Variants in SPNS2 observed in about 807,000 individuals in gnomAD.
SPNS2 encodes sphingosine-1-phosphate transporter SPNS2.
SPNS2 carries 37 observed loss-of-function variants against 57.6 expected under a neutral mutation model. The ratio of observed to expected loss-of-function variants is 0.64; its 90% CI spans 0.49 to 0.85. The LOEUF is 0.85. SPNS2 is among the 40% of genes least tolerant of loss of function. The pLI is 0.00. For missense variants in SPNS2, 831 were observed against 779.1 expected, an observed-to-expected ratio of 1.07 and a Z score of -0.79; for synonymous variants, 440 against 346.9, an observed-to-expected ratio of 1.27 and a Z score of -2.98.
intron 1 of SPNS2, among the ~76,000 whole-genome samples, chr17:4,504,189 C>G (rs995737156): frequency 1.3e-4 from 20 of 152,196 alleles, no homozygotes; most frequent in African/African-American, 4.1e-4. Context: ...TGGCCTTGTC[C>G]TGGCCACTGC....
chr17:4,501,593 C>A (rs1011605716), intron 1 of SPNS2, among the ~76,000 whole-genome samples: 1 of 152,192 alleles, frequency 6.6e-6, no homozygotes. Context: ...ACACAACAGA[C>A]ACAGGTTTCC....
intron 5 of SPNS2, among the ~76,000 whole-genome samples, chr17:4,531,485 G>A (rs564197141): frequency 2.0e-5 from 3 of 152,292 alleles, no homozygotes; most frequent in Admixed American, 2.0e-4. Context: ...GGGTAAGGCT[G>A]GGACAAGACC....
chr17:4,533,764 G>A (rs1421070365), intron 8 of SPNS2, 24 bp from the exon 9 acceptor site: 3 of 1,613,314 alleles, frequency 1.9e-6, no homozygotes, highest in Non-Finnish European at 2.5e-6. Flanking sequence ...ACCGCTGATG[G>A]TGGCTTTGCC....
chr17:4,521,823 C>T (rs764538698), intron 2 of SPNS2, among the ~76,000 whole-genome samples: 12 of 152,216 alleles, frequency 7.9e-5, no homozygotes, highest in Admixed American at 3.3e-4. Context: ...GGCGTGTCCC[C>T]GCACATCCCT....
At position 4,537,514 on chromosome 17, in the gene SPNS2, C is replaced by G; in HGVS notation, c.*66C>G. 2.2e-6 allele frequency: 1 copy of G among 456,880 alleles called. No homozygotes were observed. Among genetic ancestry groups the G allele is most frequent in the Non-Finnish European group, 4.4e-6 (1 of 227,036 alleles). The allele number at this position is 456,880 out of a possible 1,614,324, so 28.3% of individuals were successfully genotyped here. A position where few individuals can be genotyped will look rare whatever the true frequency, so the allele number is the denominator to read the frequency against. The stretch of plus-strand genomic sequence containing the variant: ...TCGTCTGGGAGGTGTCCTACAGCGT[C>G]CGGGACCGGCTGGGCTGCCCCAAAG... On this transcript the variant is annotated 3_prime_UTR_variant, in exon 13 of 13. Transcript: ENST00000329078.
chr17:4,522,762 G>T (rs1905170706), intron 2 of SPNS2, among the ~76,000 whole-genome samples: 1 of 152,204 alleles, frequency 6.6e-6, no homozygotes, highest in South Asian at 2.1e-4. Flanking sequence ...GGGGAGGGAT[G>T]GGGGGCCACC....
intron 1 of SPNS2, 70 bp from the exon 2 acceptor site, chr17:4,513,177 A>G: frequency 2.6e-6 from 4 of 1,545,932 alleles, no homozygotes; most frequent in Non-Finnish European, 3.6e-6. Flanking sequence ...GGCGGGAAAG[A>G]GGCTGGGCTG....
chr17:4,532,431 A>G, intron 5 of SPNS2, 111 bp from the exon 6 acceptor site: 1 of 1,503,618 alleles, frequency 6.7e-7, no homozygotes, highest in Non-Finnish European at 9.1e-7. Flanking sequence ...ATACCTGCTC[A>G]GAGGAGAAGC....
In SPNS2 at chr17:4,536,329, G is replaced by A. The variant is rs1342707656; in HGVS notation, c.1510G>A (p.Ala504Thr). Reference protein sequence around the residue: ...PLWEFLSLGYALMLCPFVVVL... With the variant: ...PLWEFLSLGYTLMLCPFVVVL... ...CTGGGAGTTCCTGAGCCTGGGCTAC[G>A]CGCTCATGCTCTGCCCTTTCGTCGT... Residue 504 changes from alanine (A) to threonine (T), a missense_variant, in exon 11 of 13, where the codon GCG (alanine) becomes ACG (threonine). This residue lies in a region of SPNS2 where 526 missense variants were observed against 400.9 expected (regional missense o/e 1.31). Coordinates refer to ENST00000329078, the MANE Select transcript of SPNS2 (RefSeq NM_001124758.3). The A allele has an allele frequency of 7.4e-6, 12 of 1,612,072 alleles. No homozygotes were observed. Among genetic ancestry groups the A allele is most frequent in the Admixed American group, 1.7e-5 (1 of 60,022 alleles).
At chr17:4,519,506 G>A (rs996190957) in intron 2 of SPNS2, among the ~76,000 whole-genome samples, 1 of 152,124 alleles carries the variant, frequency 6.6e-6, no homozygotes, top group Non-Finnish European at 1.5e-5. Context: ...CCCGAGGCAG[G>A]CGGGCTGGTC....
At chr17:4,534,545 G>C (rs1443952163) in intron 9 of SPNS2, 1 of 153,128 alleles carries the variant, frequency 6.5e-6, no homozygotes, top group Non-Finnish European at 1.5e-5. Context: ...GGACTCGGGT[G>C]GATTCTCAGG....
Position 4,525,073 on chromosome 17 carries a change from C to T in SPNS2, c.453C>T (p.Phe151=), listed in dbSNP as rs1286369301. 1 of 1,614,220 alleles carries T rather than the reference C, an allele frequency of 6.2e-7. No homozygotes were observed. The highest frequency in any genetic ancestry group is 1.1e-5 in the South Asian group (1 of 91,082). The change falls in exon 3 of 13, where the codon TTC becomes TTT. Residue 151 remains phenylalanine, a synonymous_variant. Transcript: ENST00000329078. ...GLLQSVFICS[F]MVAAPIFGYL... is the part of the protein sequence containing the mutation. Reference sequence around the variant, plus strand: ...TCCCTGCAGTGTTCATCTGTAGCTTCATGGTGGCTGCCCCCATCTTCGGCT... The same window carrying T: ...TCCCTGCAGTGTTCATCTGTAGCTTTATGGTGGCTGCCCCCATCTTCGGCT...
intron 1 of SPNS2, among the ~76,000 whole-genome samples, chr17:4,506,582 G>A (rs906269968): frequency 1.3e-5 from 2 of 152,168 alleles, no homozygotes; most frequent in Non-Finnish European, 2.9e-5. Context: ...CCAGAGGCCC[G>A]GCAGCCCGGC....
intron 9 of SPNS2, among the ~76,000 whole-genome samples, chr17:4,534,580 A>G (rs1303700083): frequency 6.6e-6 from 1 of 152,084 alleles, no homozygotes; most frequent in Non-Finnish European, 1.5e-5. Context: ...GTGCCCCAGC[A>G]TGGGACAGCC....
chr17:4,512,134 G>C lies in SPNS2; in HGVS notation c.371-1113G>C, dbSNP rs1312354637. Among the ~76,000 whole-genome samples, 1 of 152,174 alleles carries C rather than the reference G, an allele frequency of 6.6e-6. No individual in the cohort carries two copies. The highest frequency in any genetic ancestry group is 1.5e-5 in the Non-Finnish European group (1 of 68,022). On this transcript the variant is annotated intron_variant, in intron 1 of 12. Coordinates refer to ENST00000329078, the MANE Select transcript of SPNS2 (RefSeq NM_001124758.3). This position sits in a 1 kb window ranked among gnomAD's most constrained non-coding sequence, Gnocchi z 5.2. ...ATCATCGTCATCATGAAGAGCTCTG[G>C]AGTCCCCCAAAGGCTTCTGTCCCTG...
At chr17:4,535,739 G>A (rs577607859) in intron 9 of SPNS2, among the ~76,000 whole-genome samples, 13 of 152,216 alleles carry the variant, frequency 8.5e-5, no homozygotes, top group African/African-American at 2.9e-4. Flanking sequence ...GGCACAGCAG[G>A]TTTGAGGCCA....
chr17:4,537,100 CTGA>C (rs566162250), intron 12 of SPNS2, among the ~76,000 whole-genome samples, 154 bp downstream of exon 12: 306 of 152,380 alleles, frequency 2.0e-3, no homozygotes, highest in Non-Finnish European at 3.4e-3. Context: ...CCAGAATTTA[CTGA>C]TGGAGCCATG....
intron 3 of SPNS2, among the ~76,000 whole-genome samples, chr17:4,527,563 A>G (rs751254277): frequency 6.6e-6 from 1 of 152,270 alleles, no homozygotes; most frequent in Non-Finnish European, 1.5e-5. Context: ...CAAATAACTC[A>G]GTAGAAAAAT....
At chr17:4,531,389 T>C (rs1905467182) in intron 5 of SPNS2, among the ~76,000 whole-genome samples, 2 of 152,120 alleles carry the variant, frequency 1.3e-5, no homozygotes, top group Admixed American at 6.5e-5. Context: ...GAGTCCCAGG[T>C]TGAGAGAACC....
Sources: allele counts gnomAD v4.1 joint callset (sites outside exome capture counted in the v4.1 genomes callset), GRCh38; gene constraint gnomAD v4.1.1; regional missense constraint gnomAD v4.1.1; non-coding constraint Gnocchi (gnomAD v3.1); transcripts MANE v1.5; gene names NCBI Gene and HGNC (gene_info 2026-07-23, HGNC 2026-07-21).